SH3GL2: variants seen among roughly 807,000 people sequenced by gnomAD.
SH3GL2 encodes endophilin-A1.
SH3GL2 carries 24 observed loss-of-function variants against 46.0 expected under a neutral mutation model. The ratio of observed to expected loss-of-function variants is 0.52; its 90% CI spans 0.38 to 0.73. The LOEUF (loss-of-function observed/expected upper bound fraction) is 0.73. Ranked by LOEUF, SH3GL2 falls within the 30% of genes least tolerant of loss-of-function variation. The pLI is 0.00. For missense variants in SH3GL2, 413 were observed against 424.2 expected (o/e 0.97, Z 0.23); for synonymous variants, 196 against 147.1 (o/e 1.33, Z -2.40).
chr9:17,650,899 T>C (rs1339340495), intron 1 of SH3GL2, among the ~76,000 whole-genome samples: 1 of 152,198 alleles, frequency 6.6e-6, no homozygotes, highest in Non-Finnish European at 1.5e-5. Context: ...CTTATGTCCT[T>C]AATGCTAGAA....
chr9:17,676,772 T>C (rs1820621980), intron 1 of SH3GL2, among the ~76,000 whole-genome samples: 1 of 152,246 alleles, frequency 6.6e-6, no homozygotes, highest in Admixed American at 6.5e-5. Context: ...TCTTCACTGA[T>C]GAAAGACTTG....
intron 1 of SH3GL2, among the ~76,000 whole-genome samples, chr9:17,632,074 A>C (rs1295592977): frequency 6.6e-5 from 10 of 152,142 alleles, no homozygotes; most frequent in Admixed American, 6.5e-4. Flanking sequence ...CATAAAACAT[A>C]ATTTCCTCAA....
intron 1 of SH3GL2, among the ~76,000 whole-genome samples, chr9:17,602,952 C>G: frequency 6.6e-6 from 1 of 152,128 alleles, no homozygotes; most frequent in Non-Finnish European, 1.5e-5. Context: ...AGATTAATTT[C>G]TTTAGGTAGC....
At chr9:17,644,575 T>C (rs908029197) in intron 1 of SH3GL2, among the ~76,000 whole-genome samples, 1 of 152,234 alleles carries the variant, frequency 6.6e-6, no homozygotes, top group Non-Finnish European at 1.5e-5. Flanking sequence ...TTAATTTTGA[T>C]ATTTACCTTG....
At chr9:17,613,083 C>A (rs532377181) in intron 1 of SH3GL2, among the ~76,000 whole-genome samples, 2 of 152,272 alleles carry the variant, frequency 1.3e-5, no homozygotes, top group East Asian at 3.9e-4. Flanking sequence ...TCACCTTTAT[C>A]CTAAGCTTTG....
At chr9:17,687,444 T>C (rs956257599) in intron 1 of SH3GL2, among the ~76,000 whole-genome samples, 1 of 113,088 alleles carries the variant, frequency 8.8e-6, no homozygotes, top group Non-Finnish European at 1.8e-5. Flanking sequence ...ACACTGAGAC[T>C]GTTTTTGACT....
At chr9:17,757,732 G>A (rs534820013) in intron 2 of SH3GL2, among the ~76,000 whole-genome samples, 1 of 152,298 alleles carries the variant, frequency 6.6e-6, no homozygotes, top group South Asian at 2.1e-4. Context: ...ATGGCAATAA[G>A]CTCAATTCTG....
intron 1 of SH3GL2, among the ~76,000 whole-genome samples, chr9:17,663,907 T>C (rs543948185): frequency 6.6e-6 from 1 of 152,356 alleles, no homozygotes; most frequent in East Asian, 1.9e-4. Context: ...TTGTTCTTTT[T>C]TTCTTTTTTG....
At chr9:17,603,875 A>G (rs1818714373) in intron 1 of SH3GL2, among the ~76,000 whole-genome samples, 1 of 152,174 alleles carries the variant, frequency 6.6e-6, no homozygotes, top group Non-Finnish European at 1.5e-5. Context: ...CAAAAAAGAA[A>G]CAAACAAAAG....
chr9:17,778,369 C>T (rs1823705203), intron 3 of SH3GL2, among the ~76,000 whole-genome samples: 1 of 152,090 alleles, frequency 6.6e-6, no homozygotes, highest in Non-Finnish European at 1.5e-5. Flanking sequence ...AGAATAATAC[C>T]TAATGTCAGA....
intron 6 of SH3GL2, 125 bp downstream of exon 6, chr9:17,789,675 A>C (rs1824067130): frequency 1.4e-6 from 2 of 1,445,954 alleles, no homozygotes; most frequent in Non-Finnish European, 1.8e-6. Context: ...TTCAGTAGAT[A>C]GTTATTTATT....
At chr9:17,692,245 TAAG>T (rs1176695775) in intron 1 of SH3GL2, among the ~76,000 whole-genome samples, 3 of 150,824 alleles carry the variant, frequency 2.0e-5, no homozygotes, top group Admixed American at 6.6e-5. Flanking sequence ...AGCTTTTGAG[TAAG>T]AAGGAGTGGT....
chr9:17,711,983 A>C (rs1821637350), intron 1 of SH3GL2, among the ~76,000 whole-genome samples: 1 of 151,830 alleles, frequency 6.6e-6, no homozygotes, highest in African/African-American at 2.4e-5. Context: ...TTGGCATGGC[A>C]GACTTTTTAG....
chr9:17,660,977 C>T (rs546066240), intron 1 of SH3GL2, among the ~76,000 whole-genome samples: 9 of 152,012 alleles, frequency 5.9e-5, no homozygotes, highest in African/African-American at 9.7e-5. Context: ...GCCTGACCAA[C>T]GTGGTGAAAC....
At chr9:17,608,509 A>G (rs1262537191) in intron 1 of SH3GL2, among the ~76,000 whole-genome samples, 3 of 152,164 alleles carry the variant, frequency 2.0e-5, no homozygotes, top group African/African-American at 7.2e-5. Flanking sequence ...TCATCCACAT[A>G]GGTTGGAAGC....
chr9:17,709,621 C>G (rs964837056), intron 1 of SH3GL2, among the ~76,000 whole-genome samples: 4 of 150,458 alleles, frequency 2.7e-5, no homozygotes, highest in Admixed American at 6.6e-5. Flanking sequence ...AAACGTTTCT[C>G]ATTATATTAA....
chr9:17,636,252 G>C lies in SH3GL2; in HGVS notation c.45+56965G>C, dbSNP rs545764717. ...CTTATGAATGCATTTCTAGGCCCTA[G>C]CACAGAACTTGCCACTGTGGGCAGC... On this transcript the variant is annotated intron_variant, in intron 1 of 8. Transcript: ENST00000380607. Among the ~76,000 whole-genome samples the C allele has an allele frequency of 2.0e-5, 3 of 152,262 alleles. No individual in the cohort carries two copies. The South Asian group carries it at 6.2e-4, about 32-fold the overall frequency.
intron 1 of SH3GL2, among the ~76,000 whole-genome samples, chr9:17,656,735 A>T (rs1398432812): frequency 7.3e-6 from 1 of 137,848 alleles, no homozygotes; most frequent in Non-Finnish European, 1.5e-5. Context: ...GTGCCACTGC[A>T]CTGCAAGCCT....
At chr9:17,721,880 A>G (rs566117017) in intron 1 of SH3GL2, among the ~76,000 whole-genome samples, 1 of 152,054 alleles carries the variant, frequency 6.6e-6, no homozygotes, top group Non-Finnish European at 1.5e-5. Context: ...GGAGAACCCT[A>G]ATATAACCAC....
Sources: gnomAD v4.1 joint callset for allele counts (sites outside exome capture counted in the v4.1 genomes callset) on GRCh38, gnomAD v4.1.1 for gene constraint, MANE v1.5 for transcripts, NCBI Gene and HGNC (gene_info 2026-07-23, HGNC 2026-07-21) for gene names.